SLC24A4: variants seen among roughly 807,000 people sequenced by gnomAD.
The protein encoded by SLC24A4 is solute carrier family 24 member 4.
Under a neutral mutation model 79.0 loss-of-function variants are expected in SLC24A4, and 53 were observed. That is an observed-to-expected ratio of 0.67 (90% confidence interval 0.54 to 0.84). The LOEUF is 0.84. Ranked by LOEUF, SLC24A4 falls within the 40% of genes least tolerant of loss-of-function variation. The pLI is 0.00. For missense variants in SLC24A4, 731 were observed against 822.0 expected (o/e 0.89, Z 1.35); for synonymous variants, 323 against 323.8 (o/e 1.00, Z 0.03).
chr14:92,418,805 G>A (rs1220291621), intron 2 of SLC24A4, among the ~76,000 whole-genome samples: 1 of 152,156 alleles, frequency 6.6e-6, no homozygotes, highest in Non-Finnish European at 1.5e-5. Context: ...GGGTTCAAGT[G>A]ATTCTCATGC....
chr14:92,351,943 A>T (rs12882019), intron 2 of SLC24A4, among the ~76,000 whole-genome samples: 1 of 91,704 alleles, frequency 1.1e-5, no homozygotes, highest in Non-Finnish European at 2.3e-5. Flanking sequence ...GGAAAGGAAA[A>T]GAAAGGAAGG....
chr14:92,490,920 G>T lies in SLC24A4; in HGVS notation c.1538-745G>T, dbSNP rs1477487362. 4.6e-5 allele frequency among the ~76,000 whole-genome samples: 7 copies of T among 152,210 alleles called. No homozygotes were observed. Among genetic ancestry groups the T allele is most frequent in the African/African-American group, 1.7e-4 (7 of 41,464 alleles). ...TGTCCCAGGCCCCTCTTGCCTCTCT[G>T]CCCTTGGCTGTCTTCATCTTTGCCC... On this transcript the variant is annotated intron_variant, in intron 14 of 16. Coordinates refer to ENST00000532405, the MANE Select transcript of SLC24A4 (RefSeq NM_153646.4). This position sits in a 1 kb window ranked among gnomAD's most constrained non-coding sequence, Gnocchi z 4.3.
At chr14:92,373,668 G>A (rs547938373) in intron 2 of SLC24A4, among the ~76,000 whole-genome samples, 11 of 152,324 alleles carry the variant, frequency 7.2e-5, no homozygotes, top group African/African-American at 2.2e-4. Context: ...GACAGGGGAC[G>A]GTGAACCCTG....
Position 92,442,998 on chromosome 14 carries a change from A to C in SLC24A4, c.582+182A>C, listed in dbSNP as rs370233741. 1.9e-4 allele frequency among the ~76,000 whole-genome samples: 29 copies of C among 152,306 alleles called. 1 individual carries two copies. The East Asian group carries it at 4.6e-3, about 24-fold the overall frequency. The stretch of plus-strand genomic sequence containing the variant: ...GGAGCATGAAGCTGGATTGTCATTG[A>C]TACCCCATTAGATATCCTCAGAGCC... On this transcript the variant is annotated intron_variant, in intron 6 of 16. Coordinates refer to ENST00000532405, the MANE Select transcript of SLC24A4 (RefSeq NM_153646.4).
chr14:92,486,611 C>G (rs1265528209), intron 13 of SLC24A4, 55 bp from the exon 14 acceptor site: 1 of 1,115,560 alleles, frequency 9.0e-7, no homozygotes, highest in Non-Finnish European at 1.4e-6. Context: ...AGGAATATTT[C>G]TTTAGTCCAC....
chr14:92,386,481 C>T (rs1416147722), intron 2 of SLC24A4, among the ~76,000 whole-genome samples: 2 of 152,140 alleles, frequency 1.3e-5, no homozygotes, highest in African/African-American at 2.4e-5. Context: ...GGGATCCAGC[C>T]AGGAGCAAGA....
intron 2 of SLC24A4, among the ~76,000 whole-genome samples, chr14:92,334,953 A>G (rs74857483): frequency 0.075 from 11,337 of 152,024 alleles, 531 homozygotes; most frequent in Middle Eastern, 0.13. Context: ...AGGGTACCCT[A>G]TGTTGGGCGC....
chr14:92,383,343 A>C (rs1169189696), intron 2 of SLC24A4, among the ~76,000 whole-genome samples: 2 of 152,088 alleles, frequency 1.3e-5, no homozygotes, highest in East Asian at 1.9e-4. Flanking sequence ...CAGGAGGTTC[A>C]AATGTGGAAT....
At chr14:92,430,271 A>C (rs1297811051) in intron 2 of SLC24A4, among the ~76,000 whole-genome samples, 1 of 152,164 alleles carries the variant, frequency 6.6e-6, no homozygotes, top group Non-Finnish European at 1.5e-5. Context: ...GTGGCTACCA[A>C]GTGGGTGCTC....
intron 12 of SLC24A4, among the ~76,000 whole-genome samples, chr14:92,459,592 C>T (rs901284166): frequency 6.6e-6 from 1 of 152,146 alleles, no homozygotes; most frequent in Non-Finnish European, 1.5e-5. Flanking sequence ...AGGAATAGGC[C>T]TCAGCTTCCT....
At chr14:92,402,390 T>G (rs1486122128) in intron 2 of SLC24A4, among the ~76,000 whole-genome samples, 2 of 152,160 alleles carry the variant, frequency 1.3e-5, no homozygotes, top group Non-Finnish European at 2.9e-5. Flanking sequence ...ATGGAGATTG[T>G]CCCAGCTCTT....
At chr14:92,418,283 G>A (rs1006928777) in intron 2 of SLC24A4, among the ~76,000 whole-genome samples, 6 of 152,268 alleles carry the variant, frequency 3.9e-5, no homozygotes, top group South Asian at 2.1e-4. Context: ...CCTGGCTCAC[G>A]GCTGTGAGGC....
At chr14:92,457,036 T>C (rs1893516077) in intron 12 of SLC24A4, among the ~76,000 whole-genome samples, 1 of 152,234 alleles carries the variant, frequency 6.6e-6, no homozygotes, top group South Asian at 2.1e-4. Flanking sequence ...GGACAGGAGA[T>C]TCTAAGGCCA....
rs143326761 is a variant in SLC24A4, at chr14:92,324,719, C to T, written c.130+759C>T. Among the ~76,000 whole-genome samples, 89 of 152,308 alleles carry T rather than the reference C, an allele frequency of 5.8e-4. 1 individual carries two copies. The highest frequency in any genetic ancestry group is 2.0e-3 in the African/African-American group (83 of 41,562). On this transcript the variant is annotated intron_variant, in intron 1 of 16. Transcript: ENST00000532405. Reference sequence around the variant, plus strand: ...CTCAGGAGACATTCACTTCCCTAATCGTCTCATTTTGAGTTGGATGCTGTG... The same window carrying T: ...CTCAGGAGACATTCACTTCCCTAATTGTCTCATTTTGAGTTGGATGCTGTG...
At chr14:92,377,023 A>G (rs540470700) in intron 2 of SLC24A4, among the ~76,000 whole-genome samples, 1 of 152,266 alleles carries the variant, frequency 6.6e-6, no homozygotes, top group Non-Finnish European at 1.5e-5. Flanking sequence ...GGGGCTCATC[A>G]CTGCCGGTAC....
chr14:92,486,630 G>T, intron 13 of SLC24A4, 36 bp from the exon 14 acceptor site: 2 of 1,314,734 alleles, frequency 1.5e-6, no homozygotes, highest in South Asian at 1.2e-5. Context: ...ACACACTGTT[G>T]GTTGAGAGTT....
chr14:92,396,736 A>G (rs1595215878), intron 2 of SLC24A4, among the ~76,000 whole-genome samples: 1 of 152,062 alleles, frequency 6.6e-6, no homozygotes, highest in East Asian at 1.9e-4. Flanking sequence ...TTTTCCATTT[A>G]TCTACTCTCT....
intron 12 of SLC24A4, among the ~76,000 whole-genome samples, chr14:92,473,378 AGCCTGGTG>A (rs770389829): frequency 7.3e-4 from 111 of 152,358 alleles, no homozygotes; most frequent in African/African-American, 1.3e-3. Context: ...GCCAAGGCCC[AGCCTGGTG>A]GGCAAGTCTG....
chr14:92,454,805 A>G (rs537947118), intron 11 of SLC24A4, among the ~76,000 whole-genome samples: 2 of 152,266 alleles, frequency 1.3e-5, no homozygotes, highest in Admixed American at 6.5e-5. Flanking sequence ...TAGAAAGTAT[A>G]TTAAGAAAAG....
Sources: allele counts gnomAD v4.1 joint callset (sites outside exome capture counted in the v4.1 genomes callset), GRCh38; gene constraint gnomAD v4.1.1; non-coding constraint Gnocchi (gnomAD v3.1); transcripts MANE v1.5; gene names NCBI Gene and HGNC (gene_info 2026-07-23, HGNC 2026-07-21).